The following RELCH variants were observed in gnomAD, a reference collection of about 807,000 sequenced individuals.
RELCH encodes RAB11 binding and LisH domain, coiled-coil and HEAT repeat containing, also known as RAB11-binding protein RELCH.
In RELCH, 41 loss-of-function variants were observed where a neutral mutation model predicts 150.3. That is an observed-to-expected ratio of 0.27 (90% confidence interval 0.21 to 0.35). The LOEUF (loss-of-function observed/expected upper bound fraction) is 0.35, where lower values mean the gene tolerates loss of function less well. Among genes scored for constraint, RELCH ranks in the 10% least tolerant of loss-of-function variants. The pLI, the probability that RELCH is intolerant of heterozygous loss-of-function variation, is 1.00. For synonymous variants in RELCH, 478 were observed against 531.8 expected, an observed-to-expected ratio of 0.90 and a Z score of 1.39; for missense variants, 1,092 against 1,467.8, an observed-to-expected ratio of 0.74 and a Z score of 4.18.
At chr18:62,269,189 TG>T (rs1442726300) in intron 20 of RELCH, among the ~76,000 whole-genome samples, 2 of 152,180 alleles carry the variant, frequency 1.3e-5, no homozygotes, top group Non-Finnish European at 2.9e-5. Context: ...AGTGTTAGAT[TG>T]TACTTACTTA....
chr18:62,227,829 A>G, intron 7 of RELCH, 140 bp downstream of exon 7: 1 of 504,602 alleles, frequency 2.0e-6, no homozygotes, highest in East Asian at 3.1e-5. Context: ...AAAGTTTTGT[A>G]ATTGTTTAAT....
At chr18:62,245,453 A>C (rs571644824) in intron 11 of RELCH, among the ~76,000 whole-genome samples, 7 of 152,130 alleles carry the variant, frequency 4.6e-5, no homozygotes, top group Admixed American at 3.9e-4. Context: ...GTGAAACTCT[A>C]TCTCTTCTAA....
chr18:62,228,221 A>T, intron 7 of RELCH, 84 bp from the exon 8 acceptor site: 1 of 1,092,236 alleles, frequency 9.2e-7, no homozygotes, highest in South Asian at 1.6e-5. Flanking sequence ...TGCTTTTAAA[A>T]CATTAAACCC....
intron 2 of RELCH, among the ~76,000 whole-genome samples, chr18:62,214,749 A>G (rs1347211203): frequency 6.6e-6 from 1 of 152,156 alleles, no homozygotes; most frequent in Non-Finnish European, 1.5e-5. Flanking sequence ...GCTGCACCAC[A>G]AGCCTCACTT....
At chr18:62,218,741 T>C (rs548133113) in intron 2 of RELCH, among the ~76,000 whole-genome samples, 4 of 152,070 alleles carry the variant, frequency 2.6e-5, no homozygotes, top group African/African-American at 9.6e-5. Flanking sequence ...TTCAGCAGAG[T>C]TGGACTATGA....
chr18:62,286,585 CAG>C (rs2145006374), intron 25 of RELCH, among the ~76,000 whole-genome samples: 1 of 152,094 alleles, frequency 6.6e-6, no homozygotes, highest in Admixed American at 6.5e-5. Flanking sequence ...CTCAACCAAG[CAG>C]AGACTAGAAA....
chr18:62,287,806 G>A (rs17069748), intron 26 of RELCH, among the ~76,000 whole-genome samples: 2,603 of 152,222 alleles, frequency 0.017, 89 homozygotes, highest in East Asian at 0.13. Flanking sequence ...TCAAAAGGAA[G>A]CCTTGTATAT....
At chr18:62,279,703 T>C in intron 22 of RELCH, 71 bp from the exon 23 acceptor site, 2 of 1,003,612 alleles carry the variant, frequency 2.0e-6, no homozygotes, top group Non-Finnish European at 1.5e-6. Flanking sequence ...GTTCCTTCCT[T>C]CTTCCCGTGG....
chr18:62,220,556 T>A lies in RELCH; in HGVS notation c.617-481T>A, dbSNP rs142362837. On this transcript the variant is annotated intron_variant, in intron 2 of 28. Coordinates refer to ENST00000644646, the MANE Select transcript of RELCH (RefSeq NM_001346231.2). The stretch of plus-strand genomic sequence containing the variant: ...CGTTGATTTATAACATTATTCTAGA[T>A]AATGCATTTTAAGTTAACTTTTGTA... 3.5e-3 allele frequency among the ~76,000 whole-genome samples: 539 copies of A among 152,074 alleles called. 4 individuals carry two copies. The highest frequency in any genetic ancestry group is 0.013 in the African/African-American group (528 of 41,510).
At chr18:62,243,221 T>A (rs1477453767) in intron 10 of RELCH, among the ~76,000 whole-genome samples, 1 of 152,146 alleles carries the variant, frequency 6.6e-6, no homozygotes, top group Non-Finnish European at 1.5e-5. Context: ...CAGTCCTTGC[T>A]ATTAATGATC....
chr18:62,266,786 ATTTCTT>A, intron 19 of RELCH, 37 bp downstream of exon 19: 1 of 1,253,266 alleles, frequency 8.0e-7, no homozygotes, highest in Non-Finnish European at 1.2e-6. Context: ...AAACAATTGC[ATTTCTT>A]TATGCAGGAA....
chr18:62,245,874 G>A (rs570934975), intron 11 of RELCH: 4 of 152,268 alleles, frequency 2.6e-5, no homozygotes, highest in African/African-American at 9.6e-5. Context: ...ACCCTCTAGT[G>A]GAAGGGGGAG....
At chr18:62,220,842 G>A in intron 2 of RELCH, 195 bp from the exon 3 acceptor site, 1 of 598,318 alleles carries the variant, frequency 1.7e-6, no homozygotes, top group Non-Finnish European at 3.0e-6. Context: ...CTAAAACTAT[G>A]GAAAACATTC....
intron 25 of RELCH, among the ~76,000 whole-genome samples, chr18:62,284,675 G>A (rs1160516237): frequency 6.6e-6 from 1 of 152,144 alleles, no homozygotes; most frequent in Non-Finnish European, 1.5e-5. Flanking sequence ...TTGGCTTTGG[G>A]AGTTTGGAGG....
intron 10 of RELCH, 48 bp from the exon 11 acceptor site, chr18:62,244,716 T>A (rs772214652): frequency 8.4e-7 from 1 of 1,188,316 alleles, no homozygotes; most frequent in Non-Finnish European, 1.3e-6. Flanking sequence ...AAAAGAATAT[T>A]CTGCAATGTG....
At chr18:62,210,285 C>G (rs2040075106) in intron 1 of RELCH, among the ~76,000 whole-genome samples, 1 of 152,162 alleles carries the variant, frequency 6.6e-6, no homozygotes, top group African/African-American at 2.4e-5. Context: ...GAACCTGTAC[C>G]TACCCCATCT....
At chr18:62,282,489 T>G in intron 25 of RELCH, 45 bp downstream of exon 25, 2 of 1,594,480 alleles carry the variant, frequency 1.3e-6, no homozygotes, top group South Asian at 2.2e-5. Context: ...TAATGTAAGA[T>G]CAAAGCTAGA....
rs905148932 is a variant in RELCH at position 62,187,626 on chromosome 18, C to T, written c.121C>T (p.Leu41=). ...AGAGGAACGGCGGGCAGTACTTCGG[C>T]TGGGCGCCGGAAGTGGCCTAGATCC... ...ATEERRAVLR[L]GAGSGLDPGS... The change falls in exon 1 of 29, where the codon CTG becomes TTG. Residue 41 remains leucine, a synonymous_variant. Transcript: ENST00000644646. 9 of 1,537,334 alleles carry T rather than the reference C, an allele frequency of 5.9e-6. No individual in the cohort carries two copies. The Admixed American group carries it at 1.0e-4, about 18-fold the overall frequency.
rs1371533805 is a variant in RELCH at position 62,305,555 on chromosome 18, G to T, written c.*21G>T. ...AGTAGAAGCAGGAAAGAAGCCCCCA[G>T]TAAACACTAAGATGGACCTCAAGCC... On this transcript the variant is annotated 3_prime_UTR_variant, in exon 29 of 29. Transcript: ENST00000644646. This position sits in a 1 kb window ranked among gnomAD's most constrained non-coding sequence, Gnocchi z 4.0. 6 of 1,599,288 alleles carry T rather than the reference G, an allele frequency of 3.8e-6. No homozygotes were observed. The highest frequency in any genetic ancestry group is 5.1e-6 in the Non-Finnish European group (6 of 1,173,994).
Sources: gnomAD v4.1 joint callset for allele counts (sites outside exome capture counted in the v4.1 genomes callset) on GRCh38, gnomAD v4.1.1 for gene constraint, Gnocchi (gnomAD v3.1) non-coding constraint, MANE v1.5 for transcripts, NCBI Gene and HGNC (gene_info 2026-07-23, HGNC 2026-07-21) for gene names.